UGT8: variants seen among roughly 807,000 people sequenced by gnomAD.
UGT8 encodes the protein UDP glycosyltransferase 8, also known as 2-hydroxyacylsphingosine 1-beta-galactosyltransferase.
Under a neutral mutation model 40.5 loss-of-function variants are expected in UGT8, and 12 were observed. The ratio of observed to expected loss-of-function variants is 0.30; its 90% CI spans 0.19 to 0.48. The LOEUF is 0.48. UGT8 is among the 20% of genes least tolerant of loss of function. The pLI, the probability that UGT8 is intolerant of heterozygous loss-of-function variation, is 0.99. For synonymous variants in UGT8, 224 were observed against 240.4 expected, an observed-to-expected ratio of 0.93 and a Z score of 0.63; for missense variants, 513 against 648.7, an observed-to-expected ratio of 0.79 and a Z score of 2.27.
Position 114,615,659 on chromosome 4 carries a change from G to A in UGT8, c.-2-7220G>A, listed in dbSNP as rs181338625. Among the ~76,000 whole-genome samples, 427 of 152,240 alleles carry A rather than the reference G, an allele frequency of 2.8e-3. 3 individuals are homozygous for A. Among genetic ancestry groups the A allele is most frequent in the African/African-American group, 9.6e-3 (398 of 41,548 alleles). On this transcript the variant is annotated intron_variant, in intron 1 of 5. Transcript: ENST00000310836. ...TTATAATTCTGCCTGTATGGTCTAG[G>A]ATGTTAATCATTACCATGTCTCATT...
intron 4 of UGT8, among the ~76,000 whole-genome samples, chr4:114,667,460 C>T (rs559515342): frequency 6.6e-6 from 1 of 152,226 alleles, no homozygotes; most frequent in African/African-American, 2.4e-5. Context: ...ATTCCCATAA[C>T]AACTAAATGT....
Position 114,664,075 on chromosome 4 carries a change from A to G in UGT8, c.903A>G (p.Ser301=), listed in dbSNP as rs200745681. 6.2e-7 allele frequency: 1 copy of G among 1,613,976 alleles called. No homozygotes were observed. Among genetic ancestry groups the G allele is most frequent in the Non-Finnish European group, 8.5e-7 (1 of 1,179,978 alleles). ...VSFGAGVKYL[S]EDIANKLAGA... ...TTGGAGCTGGTGTCAAGTATCTGTC[A>G]GAAGACATTGCTAACAAACTGGCAG... The change falls in exon 3 of 6, where the codon TCA becomes TCG. Residue 301 remains serine, a synonymous_variant. Coordinates refer to ENST00000310836, the MANE Select transcript of UGT8 (RefSeq NM_001128174.3).
In UGT8 at chr4:114,668,227, G is replaced by A. The variant is rs1735012887; in HGVS notation, c.1185G>A (p.Met395Ile). 6.2e-7 allele frequency: 1 copy of A among 1,613,826 alleles called. No homozygotes were observed. The highest frequency in any genetic ancestry group is 8.5e-7 in the Non-Finnish European group (1 of 1,179,836). Reference protein sequence around the residue: ...DTMTRVQAKGMGILLEWKTVT... With the variant: ...DTMTRVQAKGIGILLEWKTVT... The stretch of plus-strand genomic sequence containing the variant: ...TGACCAGAGTACAGGCAAAAGGCAT[G>A]GGGATATTGCTAGAATGGAAGACAG... The change falls in exon 5 of 6, where the codon ATG (methionine) becomes ATA (isoleucine). Residue 395 changes from methionine (M) to isoleucine (I), a missense_variant. Around this residue, in one of 3 missense-constraint regions of UGT8, gnomAD observed 175 missense variants for 186.7 expected, o/e 0.94. Coordinates refer to ENST00000310836, the MANE Select transcript of UGT8 (RefSeq NM_001128174.3).
chr4:114,630,877 C>A (rs1732528236), intron 2 of UGT8, among the ~76,000 whole-genome samples: 1 of 152,060 alleles, frequency 6.6e-6, no homozygotes. Context: ...ACTGGGACTC[C>A]AGCCCCTCTT....
At chr4:114,675,243 T>C (rs534536094) in intron 5 of UGT8, among the ~76,000 whole-genome samples, 8 of 152,162 alleles carry the variant, frequency 5.3e-5, no homozygotes, top group African/African-American at 1.4e-4. Flanking sequence ...ATCTAATAAA[T>C]TTAGTTTCCA....
At chr4:114,632,040 G>A (rs555815004) in intron 2 of UGT8, among the ~76,000 whole-genome samples, 1 of 152,246 alleles carries the variant, frequency 6.6e-6, no homozygotes, top group South Asian at 2.1e-4. Context: ...ATAGGTAAGG[G>A]CCTCAGAACT....
chr4:114,650,723 T>A (rs1426615544), intron 2 of UGT8, among the ~76,000 whole-genome samples: 3 of 152,136 alleles, frequency 2.0e-5, no homozygotes, highest in Non-Finnish European at 4.4e-5. Flanking sequence ...GTCTTCAGGT[T>A]ACAGGAATCC....
At chr4:114,649,383 AATTAAG>A (rs1483360952) in intron 2 of UGT8, among the ~76,000 whole-genome samples, 6 of 152,072 alleles carry the variant, frequency 3.9e-5, no homozygotes, top group Non-Finnish European at 8.8e-5. Flanking sequence ...TGGTTGCGTC[AATTAAG>A]ATTATGTTTT....
chr4:114,600,456 GA>G (rs1400897428), intron 1 of UGT8, among the ~76,000 whole-genome samples: 1 of 152,024 alleles, frequency 6.6e-6, no homozygotes, highest in Non-Finnish European at 1.5e-5. Context: ...CATATCCCCA[GA>G]AAAAAATCAC....
chr4:114,610,833 T>G (rs1435191629), intron 1 of UGT8, among the ~76,000 whole-genome samples: 1 of 152,164 alleles, frequency 6.6e-6, no homozygotes, highest in African/African-American at 2.4e-5. Flanking sequence ...TACATGAAAA[T>G]TTATTTTGTG....
intron 2 of UGT8, among the ~76,000 whole-genome samples, chr4:114,655,720 T>C (rs1438996416): frequency 2.0e-5 from 3 of 152,018 alleles, no homozygotes; most frequent in African/African-American, 7.2e-5. Context: ...TTCTGCATAA[T>C]CACAATACAA....
chr4:114,618,941 A>G (rs2126094756), intron 1 of UGT8, among the ~76,000 whole-genome samples: 1 of 152,268 alleles, frequency 6.6e-6, no homozygotes, highest in African/African-American at 2.4e-5. Context: ...GAATTCCAAT[A>G]GGCTTCCTAC....
rs139604396 is a variant in UGT8 at position 114,602,713 on chromosome 4, T to A, written c.-3+3739T>A. Among the ~76,000 whole-genome samples, 263 of 152,282 alleles carry A rather than the reference T, an allele frequency of 1.7e-3. 2 individuals are homozygous for A. The highest frequency in any genetic ancestry group is 0.01 in the Middle Eastern group (3 of 294). ...TGTTCTGTAAGTGCCGTGATAGAGA[T>A]ACACACACAGTACCCTGAGCAGAAA... On this transcript the variant is annotated intron_variant, in intron 1 of 5. Transcript: ENST00000310836.
intron 1 of UGT8, among the ~76,000 whole-genome samples, chr4:114,607,721 T>G (rs1730817173): frequency 6.6e-6 from 1 of 152,182 alleles, no homozygotes; most frequent in Non-Finnish European, 1.5e-5. Flanking sequence ...GATTTTGGTG[T>G]TGTGGAATTC....
chr4:114,612,508 G>A (rs942533611), intron 1 of UGT8, among the ~76,000 whole-genome samples: 11 of 151,966 alleles, frequency 7.2e-5, no homozygotes, highest in African/African-American at 2.7e-4. Flanking sequence ...CATCTACCAC[G>A]TATAGGTCCA....
chr4:114,627,711 A>C (rs1732323651), intron 2 of UGT8, among the ~76,000 whole-genome samples: 2 of 152,354 alleles, frequency 1.3e-5, no homozygotes, highest in African/African-American at 4.8e-5. Context: ...AAATGTTTCA[A>C]GTGATACTTT....
chr4:114,606,273 T>G (rs1730724364), intron 1 of UGT8, among the ~76,000 whole-genome samples: 1 of 152,154 alleles, frequency 6.6e-6, no homozygotes, highest in African/African-American at 2.4e-5. Context: ...TAAATAAAAA[T>G]TTTTTACTAG....
rs571811611 is a variant in UGT8, at chr4:114,626,692, G to A, written c.822+2990G>A. Reference sequence around the variant, plus strand: ...AGCCACACAGATAGTCTGTGGCAAAGTCAGGTGTAATGTGGATTGTTTTGC... The same window carrying A: ...AGCCACACAGATAGTCTGTGGCAAAATCAGGTGTAATGTGGATTGTTTTGC... On this transcript the variant is annotated intron_variant, in intron 2 of 5. Coordinates refer to ENST00000310836, the MANE Select transcript of UGT8 (RefSeq NM_001128174.3). 7.2e-5 allele frequency among the ~76,000 whole-genome samples: 11 copies of A among 152,306 alleles called. No homozygotes were observed. In the South Asian group the frequency reaches 2.3e-3, roughly 32 times the overall value.
chr4:114,640,833 A>C (rs368618431), intron 2 of UGT8, among the ~76,000 whole-genome samples: 4 of 152,148 alleles, frequency 2.6e-5, no homozygotes, highest in African/African-American at 9.7e-5. Context: ...ACTTGCCCCC[A>C]TGATTCAATT....
Sources: allele counts gnomAD v4.1 joint callset (sites outside exome capture counted in the v4.1 genomes callset), GRCh38; gene constraint gnomAD v4.1.1; regional missense constraint gnomAD v4.1.1; transcripts MANE v1.5; gene names NCBI Gene and HGNC (gene_info 2026-07-23, HGNC 2026-07-21).